The following PLOD2 variants were observed in gnomAD, a reference collection of about 807,000 sequenced individuals.
The protein encoded by PLOD2 is lysine hydroxylase 2.
Under a neutral mutation model 101.0 loss-of-function variants are expected in PLOD2, and 65 were observed. The observed-to-expected ratio is 0.64, with a 90% confidence interval of 0.53 to 0.79. The LOEUF (loss-of-function observed/expected upper bound fraction) is 0.79. Among genes scored for constraint, PLOD2 ranks in the 30% least tolerant of loss-of-function variants. PLOD2 has a pLI of 0.00. For synonymous variants in PLOD2, 314 were observed against 302.9 expected, an observed-to-expected ratio of 1.04 and a Z score of -0.38; for missense variants, 909 against 914.6, an observed-to-expected ratio of 0.99 and a Z score of 0.08.
intron 4 of PLOD2, among the ~76,000 whole-genome samples, chr3:146,107,350 G>A (rs191344675): frequency 3.9e-5 from 6 of 152,208 alleles, no homozygotes; most frequent in Admixed American, 6.5e-5. Flanking sequence ...AGACACGAAC[G>A]GAATCATTTT....
chr3:146,107,043 CTCTT>C (rs141609259), intron 4 of PLOD2, among the ~76,000 whole-genome samples: 2 of 152,310 alleles, frequency 1.3e-5, no homozygotes, highest in Non-Finnish European at 2.9e-5. Flanking sequence ...GGAGAACTCA[CTCTT>C]TCTTACAGAA....
Position 146,071,305 on chromosome 3 carries a change from A to G in PLOD2, c.1967T>C (p.Leu656Pro), listed in dbSNP as rs766471999. 6.2e-7 allele frequency: 1 copy of G among 1,612,216 alleles called. No individual in the cohort carries two copies. Among genetic ancestry groups the G allele is most frequent in the Non-Finnish European group, 8.5e-7 (1 of 1,178,744 alleles). Residue 656 changes from leucine (L) to proline (P), a missense_variant, in exon 18 of 20, where the codon CTG becomes CCG. Physicochemically the swap from Leu to Pro is moderately conservative, Grantham distance 98. Transcript: ENST00000282903. Reference sequence around the variant, plus strand: ...CGTATAATAGCCTGCAAAGACCTTCAGTGTAACTGGTGCAATGAACTCCCG... The same window carrying G: ...CGTATAATAGCCTGCAAAGACCTTCGGTGTAACTGGTGCAATGAACTCCCG... ...FIREFIAPVT[L>P]KVFAGYYTKG... is the part of the protein sequence containing the mutation.
intron 12 of PLOD2, among the ~76,000 whole-genome samples, 160 bp from the exon 13 acceptor site, chr3:146,079,417 T>C (rs1234678672): frequency 6.6e-6 from 1 of 151,996 alleles, no homozygotes; most frequent in African/African-American, 2.4e-5. Flanking sequence ...TAAGATTACA[T>C]TGTATACACT....
At chr3:146,138,737 A>G (rs928562804) in intron 1 of PLOD2, among the ~76,000 whole-genome samples, 6 of 152,182 alleles carry the variant, frequency 3.9e-5, no homozygotes, top group Non-Finnish European at 7.4e-5. Context: ...CAAATGTAAT[A>G]GCAAGCTAGT....
At chr3:146,156,401 T>C (rs947442053) in intron 1 of PLOD2, among the ~76,000 whole-genome samples, 1 of 152,276 alleles carries the variant, frequency 6.6e-6, no homozygotes, top group Admixed American at 6.5e-5. Flanking sequence ...CTCTGCCTTG[T>C]AGCACCAAAG....
intron 3 of PLOD2, among the ~76,000 whole-genome samples, chr3:146,110,968 C>A (rs1937619863): frequency 6.6e-6 from 1 of 152,134 alleles, no homozygotes; most frequent in South Asian, 2.1e-4. Context: ...TAAGTGCGTT[C>A]AGACAACTGC....
In PLOD2 at chr3:146,085,151, T is replaced by C. The variant is rs1425719186; in HGVS notation, c.1232+18A>G. The C allele has an allele frequency of 1.9e-6, 2 of 1,079,074 alleles. No homozygotes were observed. Among genetic ancestry groups the C allele is most frequent in the East Asian group, 4.7e-5 (2 of 42,340 alleles). 66.8% of individuals were successfully genotyped at this position (1,079,074 alleles called of 1,614,324 possible). A position where few individuals can be genotyped will look rare whatever the true frequency, so the allele number is the denominator to read the frequency against. ...TAATCATTTTAACAATAAATTGATA[T>C]CGAATTTTAGAAAGTACCTGTTTTG... On this transcript the variant is annotated intron_variant, in intron 11 of 19. Transcript: ENST00000282903.
chr3:146,135,373 C>T (rs77613386), intron 1 of PLOD2, among the ~76,000 whole-genome samples: 360 of 152,208 alleles, frequency 2.4e-3, no homozygotes, highest in African/African-American at 8.3e-3. Context: ...CTACAAATAT[C>T]ATCTTCTATG....
At chr3:146,152,935 T>C (rs1305169881) in intron 1 of PLOD2, among the ~76,000 whole-genome samples, 4 of 152,182 alleles carry the variant, frequency 2.6e-5, no homozygotes, top group Non-Finnish European at 1.5e-5. Flanking sequence ...GTTTAAAAAA[T>C]TCCAACCTTG....
chr3:146,100,139 G>A (rs1238081366), intron 7 of PLOD2, among the ~76,000 whole-genome samples: 3 of 152,044 alleles, frequency 2.0e-5, no homozygotes, highest in Non-Finnish European at 4.4e-5. Context: ...CCTAAGCCTT[G>A]CAAAGTGCTG....
chr3:146,120,906 A>G (rs1364878757), intron 3 of PLOD2, among the ~76,000 whole-genome samples: 1 of 152,082 alleles, frequency 6.6e-6, no homozygotes, highest in Non-Finnish European at 1.5e-5. Flanking sequence ...TATTTTTAGT[A>G]GAGACAGGGT....
rs59297798 is a variant in PLOD2, at chr3:146,121,339, A to AC, written c.202-92dup. ...TAAAGACATCATCAACTTGAACAGT[A>AC]CTGTACCGTAACCACTCTTCTAATG... On this transcript the variant is annotated intron_variant, in intron 2 of 19. Transcript: ENST00000282903. 515 of 1,035,538 alleles carry AC rather than the reference A, an allele frequency of 5.0e-4. 2 individuals are homozygous for AC. In the African/African-American group the frequency reaches 7.2e-3, roughly 14 times the overall value. The allele number at this position is 1,035,538 out of a possible 1,614,324, so 64.1% of individuals were successfully genotyped here. A position where few individuals can be genotyped will look rare whatever the true frequency, so the allele number is the denominator to read the frequency against.
intron 16 of PLOD2, 102 bp from the exon 17 acceptor site, chr3:146,072,767 T>A: frequency 1.4e-6 from 1 of 738,590 alleles, no homozygotes; most frequent in Non-Finnish European, 2.3e-6. Flanking sequence ...CCTGTATGAC[T>A]AGGAAACATA....
intron 1 of PLOD2, among the ~76,000 whole-genome samples, chr3:146,133,258 A>G (rs1306743775): frequency 6.6e-6 from 1 of 152,236 alleles, no homozygotes; most frequent in Non-Finnish European, 1.5e-5. Context: ...CTCTATAACC[A>G]TGTTATAGCA....
In PLOD2 at chr3:146,071,063, A is replaced by G. The variant is rs1936108060; in HGVS notation, c.2100T>C (p.Asn700=). The G allele has an allele frequency of 6.2e-7, 1 of 1,608,206 alleles. No homozygotes were observed. The highest frequency in any genetic ancestry group is 1.1e-5 in the South Asian group (1 of 90,866). ...ASTFTINIAL[N]NVGEDFQGGG... ...TTACCTGAAAGTCTTCTCCCACGTT[A>G]TTAAGTGCAATGTTTATGGTAAATG... The change falls in exon 19 of 20, where the codon AAT becomes AAC. Residue 700 remains asparagine, a synonymous_variant. Transcript: ENST00000282903.
chr3:146,117,204 A>T (rs1937952311), intron 3 of PLOD2, among the ~76,000 whole-genome samples: 1 of 152,214 alleles, frequency 6.6e-6, no homozygotes, highest in African/African-American at 2.4e-5. Flanking sequence ...GTATATTTTC[A>T]TATGATAGTG....
At chr3:146,099,034 AC>A (rs1371560014) in intron 7 of PLOD2, among the ~76,000 whole-genome samples, 2 of 152,176 alleles carry the variant, frequency 1.3e-5, no homozygotes, top group Non-Finnish European at 1.5e-5. Context: ...TTTGTATTAT[AC>A]CAAATATAAT....
chr3:146,100,491 C>G (rs1011925008), intron 7 of PLOD2, among the ~76,000 whole-genome samples: 1 of 151,958 alleles, frequency 6.6e-6, no homozygotes, highest in African/African-American at 2.4e-5. Context: ...ATACAAGAGA[C>G]CCAAAAAGTA....
chr3:146,157,151 C>G (rs960067765), intron 1 of PLOD2, among the ~76,000 whole-genome samples: 3 of 152,178 alleles, frequency 2.0e-5, no homozygotes, highest in Non-Finnish European at 4.4e-5. Context: ...GAAGAAGAAA[C>G]TAGCAACCTC....
Sources: gnomAD v4.1 joint callset for allele counts (sites outside exome capture counted in the v4.1 genomes callset) on GRCh38, gnomAD v4.1.1 for gene constraint, MANE v1.5 for transcripts, NCBI Gene and HGNC (gene_info 2026-07-23, HGNC 2026-07-21) for gene names.